Variants in CAMK2D observed in about 807,000 individuals in gnomAD.
CAMK2D encodes calcium/calmodulin-dependent protein kinase type II subunit delta.
In CAMK2D, 37 loss-of-function variants were observed where a neutral mutation model predicts 84.0. That is an observed-to-expected ratio of 0.44 (90% confidence interval 0.34 to 0.58). CAMK2D has a LOEUF of 0.58. Ranked by LOEUF, CAMK2D falls within the 20% of genes least tolerant of loss-of-function variation. CAMK2D has a pLI of 0.02. For synonymous variants in CAMK2D, 202 were observed against 212.5 expected (o/e 0.95, Z 0.43); for missense variants, 448 against 652.5 (o/e 0.69, Z 3.41).
chr4:113,607,826 TA>T (rs144555752), intron 4 of CAMK2D, among the ~76,000 whole-genome samples: 6,342 of 152,242 alleles, frequency 0.042, 458 homozygotes, highest in African/African-American at 0.14. Flanking sequence ...ACCCAACAGA[TA>T]AAACTCCCAT....
At chr4:113,654,423 T>G (rs2099189606) in intron 3 of CAMK2D, among the ~76,000 whole-genome samples, 1 of 152,070 alleles carries the variant, frequency 6.6e-6, no homozygotes, top group East Asian at 1.9e-4. Flanking sequence ...GCATCTTTCT[T>G]AAACACACTG....
chr4:113,531,855 C>A (rs1218351328), intron 7 of CAMK2D, among the ~76,000 whole-genome samples: 1 of 152,096 alleles, frequency 6.6e-6, no homozygotes, highest in East Asian at 1.9e-4. Flanking sequence ...AAGAAAACTT[C>A]ATATTATACA....
chr4:113,623,185 C>T (rs2099053619), intron 3 of CAMK2D, among the ~76,000 whole-genome samples: 1 of 152,154 alleles, frequency 6.6e-6, no homozygotes, highest in Admixed American at 6.5e-5. Context: ...TACATCCTAG[C>T]ATTCTTTTTT....
chr4:113,537,149 G>A (rs2098498859), intron 7 of CAMK2D, among the ~76,000 whole-genome samples, 192 bp downstream of exon 7: 1 of 152,056 alleles, frequency 6.6e-6, no homozygotes. Context: ...ATTTTCCCTT[G>A]AATTATTTCT....
At chr4:113,619,717 ATT>A (rs770999920) in intron 3 of CAMK2D, among the ~76,000 whole-genome samples, 2 of 151,728 alleles carry the variant, frequency 1.3e-5, no homozygotes, top group Admixed American at 6.6e-5. Context: ...GTAAATACAG[ATT>A]TTTTTTTGGA....
chr4:113,562,493 G>C (rs1368950771), intron 4 of CAMK2D, among the ~76,000 whole-genome samples: 1 of 152,068 alleles, frequency 6.6e-6, no homozygotes, highest in Non-Finnish European at 1.5e-5. Context: ...AAAGGGATTT[G>C]AGACAGCTTA....
chr4:113,686,171 A>G (rs2099359239), intron 2 of CAMK2D, among the ~76,000 whole-genome samples: 2 of 152,196 alleles, frequency 1.3e-5, no homozygotes, highest in Admixed American at 1.3e-4. Flanking sequence ...CTTAATTTTT[A>G]TCTTGAAAGA....
At chr4:113,571,882 C>G (rs2098755282) in intron 4 of CAMK2D, among the ~76,000 whole-genome samples, 1 of 152,148 alleles carries the variant, frequency 6.6e-6, no homozygotes, top group African/African-American at 2.4e-5. Flanking sequence ...TAACAGAATA[C>G]AGACTGCACT....
At chr4:113,498,273 T>C (rs776860240) in intron 16 of CAMK2D, among the ~76,000 whole-genome samples, 20 of 152,294 alleles carry the variant, frequency 1.3e-4, no homozygotes, top group Non-Finnish European at 2.4e-4. Context: ...ATCAGCATAA[T>C]AAATAATTTA....
intron 4 of CAMK2D, among the ~76,000 whole-genome samples, chr4:113,557,087 T>G (rs957729287): frequency 6.6e-6 from 1 of 152,092 alleles, no homozygotes; most frequent in Non-Finnish European, 1.5e-5. Flanking sequence ...GCTGATTATA[T>G]CTCCAAAACA....
intron 3 of CAMK2D, among the ~76,000 whole-genome samples, chr4:113,636,745 C>A (rs139127343): frequency 6.6e-6 from 1 of 152,108 alleles, no homozygotes; most frequent in Non-Finnish European, 1.5e-5. Context: ...TCAAGGAGGT[C>A]CCATCTTCAT....
At chr4:113,627,918 T>C (rs1465460270) in intron 3 of CAMK2D, among the ~76,000 whole-genome samples, 1 of 152,164 alleles carries the variant, frequency 6.6e-6, no homozygotes, top group Non-Finnish European at 1.5e-5. Flanking sequence ...ACAAATAAAT[T>C]TTCCAAGAGC....
chr4:113,503,117 T>A, intron 14 of CAMK2D, 140 bp from the exon 15 acceptor site: 1 of 749,762 alleles, frequency 1.3e-6, no homozygotes, highest in East Asian at 2.5e-5. Flanking sequence ...GCTGTCAGAG[T>A]TGCAGCTGAC....
chr4:113,667,245 T>C (rs1592730552), intron 2 of CAMK2D, among the ~76,000 whole-genome samples: 2 of 152,222 alleles, frequency 1.3e-5, no homozygotes, highest in Admixed American at 6.5e-5. Flanking sequence ...ATGGCTCCAG[T>C]ACATAAAACA....
At chr4:113,534,015 T>A (rs959143920) in intron 7 of CAMK2D, among the ~76,000 whole-genome samples, 6 of 152,040 alleles carry the variant, frequency 3.9e-5, no homozygotes, top group Non-Finnish European at 8.8e-5. Flanking sequence ...TTTATTAAAA[T>A]AAAATTATGT....
chr4:113,708,126 C>T (rs1025667950), intron 2 of CAMK2D, among the ~76,000 whole-genome samples: 22 of 152,134 alleles, frequency 1.4e-4, no homozygotes, highest in Admixed American at 5.9e-4. Flanking sequence ...CTATCCCATT[C>T]TCTCCCCCTT....
At chr4:113,558,485 T>C (rs1387493775) in intron 4 of CAMK2D, among the ~76,000 whole-genome samples, 1 of 152,166 alleles carries the variant, frequency 6.6e-6, no homozygotes, top group Non-Finnish European at 1.5e-5. Context: ...GGATCAAAAA[T>C]ATAGTATTCA....
At chr4:113,551,756 C>G (rs1250209646) in intron 5 of CAMK2D, among the ~76,000 whole-genome samples, 4 of 152,168 alleles carry the variant, frequency 2.6e-5, no homozygotes, top group African/African-American at 9.7e-5. Context: ...TGATCTCTGA[C>G]TTTCACTAAA....
At chr4:113,627,050 C>A (rs530499111) in intron 3 of CAMK2D, among the ~76,000 whole-genome samples, 4 of 152,042 alleles carry the variant, frequency 2.6e-5, no homozygotes, top group African/African-American at 9.7e-5. Context: ...TTGTTTTATA[C>A]ATGAATAAAG....
Sources: allele counts gnomAD v4.1 joint callset (sites outside exome capture counted in the v4.1 genomes callset), GRCh38; gene constraint gnomAD v4.1.1; transcripts MANE v1.5; gene names NCBI Gene and HGNC (gene_info 2026-07-23, HGNC 2026-07-21).